The following NDEL1 variants were observed in gnomAD, a reference collection of about 807,000 sequenced individuals.
NDEL1 encodes nuclear distribution protein nudE-like 1.
In NDEL1, 9 loss-of-function variants were observed where a neutral mutation model predicts 45.7. The ratio of observed to expected loss-of-function variants is 0.20; its 90% CI spans 0.12 to 0.34. The LOEUF (loss-of-function observed/expected upper bound fraction) is 0.34. Among genes scored for constraint, NDEL1 ranks in the 10% least tolerant of loss-of-function variants. The pLI is 1.00. For missense variants in NDEL1, 306 were observed against 406.2 expected (o/e 0.75, Z 2.12); for synonymous variants, 133 against 158.6 (o/e 0.84, Z 1.21).
At chr17:8,414,459 A>T (rs1469611811) in intron 1 of NDEL1, among the ~76,000 whole-genome samples, 1 of 152,020 alleles carries the variant, frequency 6.6e-6, no homozygotes, top group Non-Finnish European at 1.5e-5. Flanking sequence ...TGAGGTCAGG[A>T]TATCGAGACC....
rs765443461 is a variant in NDEL1 at position 8,448,554 on chromosome 17, A to G, written c.394A>G (p.Thr132Ala). ...NDDLERAKRA[T>A]IVSLEDFEQR... ...TACTCTAATTTTTCTTTTTAGGGCA[A>G]CAATAGTTTCACTGGAAGACTTTGA... Residue 132 changes from threonine to alanine, a missense_variant, in exon 5 of 9, where the codon ACA (threonine) becomes GCA (alanine). Physicochemically the swap from Thr to Ala is moderately conservative, Grantham distance 58. Coordinates refer to ENST00000334527, the MANE Select transcript of NDEL1 (RefSeq NM_030808.5). 1.2e-5 allele frequency: 20 copies of G among 1,611,854 alleles called. No homozygotes were observed. The Admixed American group carries it at 2.4e-4, about 19-fold the overall frequency.
chr17:8,445,548 C>A (rs555432092), intron 2 of NDEL1, among the ~76,000 whole-genome samples, 163 bp from the exon 3 acceptor site: 1 of 152,246 alleles, frequency 6.6e-6, no homozygotes, highest in African/African-American at 2.4e-5. Context: ...TTTCATTGAA[C>A]CCTGAATATA....
chr17:8,435,288 TTC>T (rs2151702530), upstream of NDEL1, among the ~76,000 whole-genome samples: 1 of 152,264 alleles, frequency 6.6e-6, no homozygotes, highest in Non-Finnish European at 1.5e-5. Flanking sequence ...AATCCATTCA[TTC>T]ATTCATCAAA....
intron 1 of NDEL1, among the ~76,000 whole-genome samples, chr17:8,428,025 T>C (rs1908882988): frequency 6.6e-6 from 1 of 152,210 alleles, no homozygotes; most frequent in Admixed American, 6.5e-5. Context: ...TGAAGCCCTA[T>C]TTTCACTCAG....
At chr17:8,415,957 C>T (rs960189690) in intron 1 of NDEL1, among the ~76,000 whole-genome samples, 1 of 152,104 alleles carries the variant, frequency 6.6e-6, no homozygotes, top group Non-Finnish European at 1.5e-5. Flanking sequence ...CCATGATGGC[C>T]AGGCTGGTCT....
chr17:8,472,847 CG>C (rs976518746), downstream of NDEL1, among the ~76,000 whole-genome samples: 2 of 152,180 alleles, frequency 1.3e-5, no homozygotes, highest in African/African-American at 2.4e-5. Flanking sequence ...CCAGGCTCAA[CG>C]AAAGAGCAAG....
At chr17:8,439,134 G>C (rs1299653871) in intron 1 of NDEL1, among the ~76,000 whole-genome samples, 1 of 151,340 alleles carries the variant, frequency 6.6e-6, no homozygotes, top group East Asian at 2.0e-4. Context: ...GTAGAGACGG[G>C]GTTTCACCAT....
intron 1 of NDEL1, among the ~76,000 whole-genome samples, chr17:8,436,853 G>A (rs1243246069): frequency 6.6e-6 from 1 of 152,138 alleles, no homozygotes; most frequent in Non-Finnish European, 1.5e-5. Flanking sequence ...CTGGGATGGG[G>A]GTAATTATTT....
At chr17:8,428,818 C>T (rs1219246333) in intron 1 of NDEL1, among the ~76,000 whole-genome samples, 2 of 152,020 alleles carry the variant, frequency 1.3e-5, no homozygotes, top group African/African-American at 2.4e-5. Context: ...GGACTACGGG[C>T]TCCTGCCACC....
chr17:8,445,761 A>G lies in NDEL1; in HGVS notation c.137A>G (p.Glu46Gly), dbSNP rs200830140. 1 of 1,602,382 alleles carries G rather than the reference A, an allele frequency of 6.2e-7. No homozygotes were observed. Among genetic ancestry groups the G allele is most frequent in the Non-Finnish European group, 8.5e-7 (1 of 1,175,984 alleles). The stretch of plus-strand genomic sequence containing the variant: ...GTTGAATTCCAGGAAGGAAGCAGAG[A>G]ATTAGAAGCAGAGTTGGAGGCACAA... ...ELVEFQEGSRELEAELEAQLV... is the reference protein window; with the variant it reads ...ELVEFQEGSRGLEAELEAQLV... Residue 46 changes from glutamate (E) to glycine (G), a missense_variant, in exon 3 of 9, where the codon GAA becomes GGA. Glu to Gly is a moderately conservative substitution (Grantham distance 98). This residue lies in a region of NDEL1 where 112 missense variants were observed against 148.3 expected (regional missense o/e 0.76). Coordinates refer to ENST00000334527, the MANE Select transcript of NDEL1 (RefSeq NM_030808.5).
At chr17:8,428,328 GTGTGT>G (rs1567721169) in intron 1 of NDEL1, among the ~76,000 whole-genome samples, 5,661 of 130,468 alleles carry the variant, frequency 0.043, 318 homozygotes, top group East Asian at 0.061. Flanking sequence ...TGTGTGGTGT[GTGTGT>G]GTGTGTGTGT....
upstream of NDEL1, chr17:8,432,068 GC>G (rs928141087): frequency 3.3e-5 from 5 of 151,196 alleles, no homozygotes; most frequent in African/African-American, 1.2e-4. Context: ...CACCATGTTG[GC>G]CAGGCTAGTC....
chr17:8,441,118 A>G (rs1909705796), intron 1 of NDEL1, among the ~76,000 whole-genome samples: 1 of 152,224 alleles, frequency 6.6e-6, no homozygotes, highest in Non-Finnish European at 1.5e-5. Context: ...CTGAAAACTC[A>G]AAAGAAAAAT....
At chr17:8,422,273 T>C (rs1261540027) in intron 1 of NDEL1, among the ~76,000 whole-genome samples, 1 of 152,212 alleles carries the variant, frequency 6.6e-6, no homozygotes, top group Non-Finnish European at 1.5e-5. Context: ...GCAACGTGCT[T>C]GGAGAAAGGG....
intron 8 of NDEL1, 84 bp downstream of exon 8, chr17:8,460,244 G>A (rs1911113886): frequency 6.9e-7 from 1 of 1,439,784 alleles, no homozygotes; most frequent in Admixed American, 2.3e-5. Context: ...CCTTGAAAAG[G>A]TAAACTCAGC....
intron 1 of NDEL1, among the ~76,000 whole-genome samples, chr17:8,417,023 C>T (rs1378970302): frequency 6.6e-6 from 1 of 152,158 alleles, no homozygotes; most frequent in Admixed American, 6.5e-5. Context: ...TTGTTTATTT[C>T]TCTGAAGATA....
At chr17:8,445,583 T>G in intron 2 of NDEL1, 128 bp from the exon 3 acceptor site, 1 of 943,288 alleles carries the variant, frequency 1.1e-6, no homozygotes, top group South Asian at 2.0e-5. Flanking sequence ...CAAAACAGAT[T>G]GTCTTTAGTA....
At chr17:8,446,616 T>C in intron 3 of NDEL1, 138 bp from the exon 4 acceptor site, 1 of 761,070 alleles carries the variant, frequency 1.3e-6, no homozygotes, top group Non-Finnish European at 2.0e-6. Flanking sequence ...ATGTGTCATT[T>C]AGTTGTTTTT....
At chr17:8,461,425 T>C (rs1442355212) in intron 8 of NDEL1, 2 of 152,236 alleles carry the variant, frequency 1.3e-5, no homozygotes, top group Non-Finnish European at 2.9e-5. Flanking sequence ...TAATTTTTGT[T>C]TTCTTTTGAA....
Sources: allele counts gnomAD v4.1 joint callset (sites outside exome capture counted in the v4.1 genomes callset), GRCh38; gene constraint gnomAD v4.1.1; regional missense constraint gnomAD v4.1.1; transcripts MANE v1.5; gene names NCBI Gene and HGNC (gene_info 2026-07-23, HGNC 2026-07-21).